The following STARD9 variants were observed in gnomAD, a reference collection of about 807,000 sequenced individuals.
The protein encoded by STARD9 is stAR-related lipid transfer protein 9.
STARD9 carries 346 observed loss-of-function variants against 399.8 expected under a neutral mutation model. The observed-to-expected ratio is 0.87, with a 90% CI of 0.79 to 0.95. STARD9 has a LOEUF of 0.95. STARD9 is among the 40% of genes least tolerant of loss of function. STARD9 has a pLI of 0.00. For synonymous variants in STARD9, 2,203 were observed against 2,143.5 expected, an observed-to-expected ratio of 1.03 and a Z score of -0.77; for missense variants, 5,832 against 5,667.5, an observed-to-expected ratio of 1.03 and a Z score of -0.93.
At chr15:42,672,076 C>T (rs2060213390) in intron 16 of STARD9, 1 of 152,144 alleles carries the variant, frequency 6.6e-6, no homozygotes, top group African/African-American at 2.4e-5. Flanking sequence ...ATGTACTTTC[C>T]CCACCTTTTG....
intron 15 of STARD9, among the ~76,000 whole-genome samples, chr15:42,667,538 A>G (rs548222771): frequency 5.3e-5 from 8 of 151,464 alleles, no homozygotes; most frequent in South Asian, 2.1e-4. Flanking sequence ...CTGGAGTGCA[A>G]TGGTGTAATC....
In STARD9 at chr15:42,709,592, G is replaced by A. The variant is rs556262519; in HGVS notation, c.13285-7085G>A. On this transcript the variant is annotated intron_variant, in intron 26 of 32. Coordinates refer to ENST00000290607, the MANE Select transcript of STARD9 (RefSeq NM_020759.3). ...CCCAGCTACACAGAAGGCTGAGACA[G>A]GAGAATAGTTTGAACCCGGGAGGCG... Among the ~76,000 whole-genome samples the A allele has an allele frequency of 2.6e-4, 40 of 152,340 alleles. No individual in the cohort carries two copies. The South Asian group carries it at 7.5e-3, about 28-fold the overall frequency.
At chr15:42,642,965 A>G (rs1455702642) in intron 7 of STARD9, among the ~76,000 whole-genome samples, 1 of 151,572 alleles carries the variant, frequency 6.6e-6, no homozygotes, top group African/African-American at 2.4e-5. Context: ...TGCCCAGCTA[A>G]TTGTTTTTTA....
At chr15:42,584,825 T>C (rs374258358) in intron 2 of STARD9, among the ~76,000 whole-genome samples, 7 of 152,210 alleles carry the variant, frequency 4.6e-5, no homozygotes, top group Admixed American at 3.9e-4. Flanking sequence ...ACTACTCACG[T>C]ACTCCCAGTA....
chr15:42,716,850 G>T, intron 27 of STARD9, 77 bp from the exon 28 acceptor site: 2 of 1,528,356 alleles, frequency 1.3e-6, no homozygotes, highest in Non-Finnish European at 1.8e-6. Context: ...GTGAGTCACT[G>T]GTCTGTGGGA....
At chr15:42,711,094 C>T (rs1321326717) in intron 26 of STARD9, among the ~76,000 whole-genome samples, 2 of 151,870 alleles carry the variant, frequency 1.3e-5, no homozygotes, top group Non-Finnish European at 2.9e-5. Context: ...CCTCCCGCCT[C>T]AGCCTCTCAA....
intron 3 of STARD9, among the ~76,000 whole-genome samples, chr15:42,616,699 G>T (rs1398903292): frequency 6.6e-6 from 1 of 151,960 alleles, no homozygotes; most frequent in Non-Finnish European, 1.5e-5. Flanking sequence ...AGACCATCCT[G>T]GCTAACACGG....
chr15:42,602,860 C>T lies in STARD9; in HGVS notation c.234+17223C>T, dbSNP rs1241890801. Among the ~76,000 whole-genome samples, 3 of 152,186 alleles carry T rather than the reference C, an allele frequency of 2.0e-5. No homozygotes were observed. In the East Asian group the frequency reaches 5.8e-4, roughly 29 times the overall value. On this transcript the variant is annotated intron_variant, in intron 3 of 32. Transcript: ENST00000290607. ...CAAGACCCCCAACTCCTTCATCCCA[C>T]CCCTTTTGTTACTTTTGTTACTTAG... is the stretch of plus-strand genomic sequence containing the variant.
At chr15:42,587,631 A>G (rs1282797672) in intron 3 of STARD9, among the ~76,000 whole-genome samples, 2 of 152,154 alleles carry the variant, frequency 1.3e-5, no homozygotes, top group Admixed American at 6.5e-5. Context: ...CAATGGCACC[A>G]TCTCGGCTCA....
chr15:42,699,264 C>T (rs1483783503), intron 26 of STARD9, among the ~76,000 whole-genome samples: 1 of 151,954 alleles, frequency 6.6e-6, no homozygotes, highest in East Asian at 1.9e-4. Context: ...AACACCAGAA[C>T]TTATTCTTCC....
At chr15:42,695,986 T>A in intron 26 of STARD9, 106 bp downstream of exon 26, 5 of 1,199,824 alleles carry the variant, frequency 4.2e-6, no homozygotes, top group Non-Finnish European at 4.5e-6. Context: ...CCGTGCCTCC[T>A]GGAGGCCACT....
intron 3 of STARD9, among the ~76,000 whole-genome samples, chr15:42,626,508 T>G (rs997653976): frequency 1.3e-5 from 2 of 151,606 alleles, no homozygotes; most frequent in African/African-American, 4.8e-5. Context: ...TTTTTTTTTT[T>G]TTGTGGCAGG....
Position 42,687,817 on chromosome 15 carries a change from C to G in STARD9, c.6239C>G (p.Thr2080Ser), listed in dbSNP as rs757390141. The G allele has an allele frequency of 1.3e-6, 2 of 1,537,340 alleles. No individual in the cohort carries two copies. The highest frequency in any genetic ancestry group is 2.7e-5 in the African/African-American group (2 of 73,038). Residue 2080 changes from threonine to serine, a missense_variant, in exon 23 of 33, where the codon ACC (threonine) becomes AGC (serine). Transcript: ENST00000290607. ...KQVHASHTPG[T>S]DKELVFQDQK... ...GTTCATGCTTCCCACACACCAGGAA[C>G]CGATAAGGAGTTGGTGTTCCAGGAC...
At position 42,684,535 on chromosome 15, in the gene STARD9, C is replaced by A; in HGVS notation, c.2957C>A (p.Thr986Lys). ...GAKGLADPSH[T>K]QAGWRKEGNL... Reference sequence around the variant, plus strand: ...AAGGGACTAGCAGACCCTAGCCACACACAAGCTGGGTGGCGAAAAGAAGGG... The same window carrying A: ...AAGGGACTAGCAGACCCTAGCCACAAACAAGCTGGGTGGCGAAAAGAAGGG... Residue 986 changes from threonine to lysine, a missense_variant, in exon 23 of 33, where the codon ACA becomes AAA. Thr to Lys is a moderately conservative substitution (Grantham distance 78). Transcript: ENST00000290607. The A allele has an allele frequency of 6.5e-7, 1 of 1,537,254 alleles. No individual in the cohort carries two copies. Among genetic ancestry groups the A allele is most frequent in the Non-Finnish European group, 8.7e-7 (1 of 1,146,916 alleles).
Position 42,717,760 on chromosome 15 carries a change from C to T in STARD9, c.13524C>T (p.His4508=), listed in dbSNP as rs1297188141. 6.5e-7 allele frequency: 1 copy of T among 1,537,206 alleles called. No individual in the cohort carries two copies. Among genetic ancestry groups the T allele is most frequent in the East Asian group, 2.4e-5 (1 of 40,926 alleles). ...TGGCTGCTTGTTCGGATAATTTGCA[C>T]AACCTCTTCAGCTGCCAGGCAACTG... The part of the protein sequence containing the change: ...DVMAACSDNL[H]NLFSCQATAG... Residue 4508 remains histidine, a synonymous_variant, in exon 29 of 33, where the codon CAC becomes CAT. Coordinates refer to ENST00000290607, the MANE Select transcript of STARD9 (RefSeq NM_020759.3).
chr15:42,666,275 G>T (rs1276319948), intron 15 of STARD9, among the ~76,000 whole-genome samples: 2 of 152,196 alleles, frequency 1.3e-5, no homozygotes, highest in East Asian at 3.8e-4. Flanking sequence ...ATGTGATTTA[G>T]CTGAAAGAGT....
intron 16 of STARD9, chr15:42,672,269 C>CA (rs1208996565): frequency 3.2e-4 from 49 of 152,296 alleles, no homozygotes; most frequent in Admixed American, 2.9e-3. Context: ...GGGAAGAGGA[C>CA]AGAGGGAAGG....
chr15:42,696,009 CCTT>C lies in STARD9; in HGVS notation c.13284+133_13284+135del, dbSNP rs2060839597. ...CCTGGAGGCCACTGCTGACATGAGC[CCTT>C]CTTATGTGCAGGCCTTTGGTTTTCC... On this transcript the variant is annotated intron_variant, in intron 26 of 32. Transcript: ENST00000290607. The C allele has an allele frequency of 4.3e-6, 4 of 935,336 alleles. No individual in the cohort carries two copies. The East Asian group carries it at 1.1e-4, about 25-fold the overall frequency. The allele number at this position is 935,336 out of a possible 1,614,324, so 57.9% of individuals were successfully genotyped here. A position where few individuals can be genotyped will look rare whatever the true frequency, so the allele number is the denominator to read the frequency against.
intron 3 of STARD9, among the ~76,000 whole-genome samples, chr15:42,604,745 G>A (rs570305222): frequency 2.1e-5 from 3 of 143,866 alleles, no homozygotes; most frequent in African/African-American, 7.7e-5. Context: ...CTGGGCTCAA[G>A]CAATCCTCCC....
Sources: gnomAD v4.1 joint callset for allele counts (sites outside exome capture counted in the v4.1 genomes callset) on GRCh38, gnomAD v4.1.1 for gene constraint, MANE v1.5 for transcripts, NCBI Gene and HGNC (gene_info 2026-07-23, HGNC 2026-07-21) for gene names.